Variants in INSRR observed in about 807,000 individuals in gnomAD.
The protein encoded by INSRR is insulin receptor related receptor.
Under a neutral mutation model 130.0 loss-of-function variants are expected in INSRR, and 114 were observed. That is an observed-to-expected ratio of 0.88 (90% CI 0.75 to 1.02). The LOEUF (loss-of-function observed/expected upper bound fraction) is 1.02. Ranked by LOEUF, INSRR falls within the 50% of genes least tolerant of loss-of-function variation. The probability of loss-of-function intolerance (pLI) is 0.00; values close to 1 mark genes in which losing one functional copy is unlikely to be tolerated. For missense variants in INSRR, 1,657 were observed against 1,735.2 expected, an observed-to-expected ratio of 0.95 and a Z score of 0.80; for synonymous variants, 674 against 705.2, an observed-to-expected ratio of 0.96 and a Z score of 0.70.
chr1:156,844,460 AC>A lies in INSRR; in HGVS notation c.2737+1del. 1 of 1,613,056 alleles carries A rather than the reference AC, an allele frequency of 6.2e-7. No individual in the cohort carries two copies. Among genetic ancestry groups the A allele is most frequent in the Non-Finnish European group, 8.5e-7 (1 of 1,179,490 alleles). On this transcript the variant is annotated splice_donor_variant, in intron 14 of 21. Transcript: ENST00000368195. LOFTEE classifies it high-confidence loss of function. The stretch of plus-strand genomic sequence containing the variant: ...CAGGTCTGTGACAGAGGCTGTGTAT[AC>A]CTGGGCCAAGGATGTAGAAGGCAAC...
At chr1:156,849,513 G>GGGGGGCTGGGGGGGGT in intron 5 of INSRR, 53 bp from the exon 6 acceptor site, 1 of 486,120 alleles carries the variant, frequency 2.1e-6, no homozygotes, top group Non-Finnish European at 4.1e-6. Context: ...CAGGGGGTGG[G>GGGGGGCTGGGGGGGGT]AAAGGGGATG....
rs1362939652 is a variant in INSRR at position 156,853,875 on chromosome 1, G to C, written c.514C>G (p.Leu172Val). The C allele has an allele frequency of 6.2e-7, 1 of 1,614,120 alleles. No homozygotes were observed. Among genetic ancestry groups the C allele is most frequent in the Non-Finnish European group, 8.5e-7 (1 of 1,180,032 alleles). Residue 172 changes from leucine to valine, a missense_variant, in exon 2 of 22, where the codon CTG becomes GTG. Coordinates refer to ENST00000368195, the MANE Select transcript of INSRR (RefSeq NM_014215.3). ...PGANHIVGNK[L>V]GEECADVCPG... ...CACACGTCAGCACACTCCTCGCCCA[G>C]CTTGTTGCCCACGATGTGGTTGGCG...
At chr1:156,849,095 G>C (rs1352775375) in intron 6 of INSRR, 48 bp from the exon 7 acceptor site, 1 of 1,602,118 alleles carries the variant, frequency 6.2e-7, no homozygotes. Context: ...CCAGCTGCTT[G>C]AGCGCCCACC....
chr1:156,842,328 A>G, intron 18 of INSRR, 57 bp from the exon 19 acceptor site: 1 of 1,613,382 alleles, frequency 6.2e-7, no homozygotes, highest in Non-Finnish European at 8.5e-7. Flanking sequence ...TCTCCTGTCC[A>G]GAACTGGCCC....
rs539401103 is a variant in INSRR, at chr1:156,855,739, C to T, written c.86-1436G>A. On this transcript the variant is annotated intron_variant, in intron 1 of 21. Coordinates refer to ENST00000368195, the MANE Select transcript of INSRR (RefSeq NM_014215.3). The stretch of plus-strand genomic sequence containing the variant: ...ACTCAGGAGGTTGAGGTGGGAGGAT[C>T]GCTTGAGCCCAGAAGGTCAAGGCTG... 1.5e-4 allele frequency among the ~76,000 whole-genome samples: 23 copies of T among 152,208 alleles called. 1 individual carries two copies. The highest frequency in any genetic ancestry group is 1.0e-4 in the Non-Finnish European group (7 of 68,004).
rs1391437469 is a variant in INSRR, at chr1:156,844,213, G to C, written c.2805C>G (p.Ile935Met). The change falls in exon 15 of 22, where the codon ATC (isoleucine) becomes ATG (methionine). Residue 935 changes from isoleucine to methionine, a missense_variant. Ile to Met is a conservative substitution (Grantham distance 10). Coordinates refer to ENST00000368195, the MANE Select transcript of INSRR (RefSeq NM_014215.3). The stretch of plus-strand genomic sequence containing the variant: ...AGAAGAAACCAAGGGCAGCAAGAAC[G>C]ATGAGCAGCGTGAGCCCCACAGGGG... ...TATPVGLTLL[I>M]VLAALGFFYG... The C allele has an allele frequency of 3.1e-6, 5 of 1,613,838 alleles. No homozygotes were observed. Among genetic ancestry groups the C allele is most frequent in the Non-Finnish European group, 4.2e-6 (5 of 1,179,968 alleles).
In INSRR at chr1:156,841,675, A is replaced by G; in HGVS notation, c.3517T>C (p.Ser1173Pro). ...CCAGCTCGGCCCCACCAGACATCCG[A>G]GTGGGTGGTGAAGATCCCATCTTTG... ...SLKDGIFTTH[S>P]DVWSFGVVLW... The change falls in exon 20 of 22, where the codon TCG (serine) becomes CCG (proline). Residue 1173 changes from serine (S) to proline (P), a missense_variant. Physicochemically the swap from Ser to Pro is moderately conservative, Grantham distance 74. Transcript: ENST00000368195. 6.2e-7 allele frequency: 1 copy of G among 1,613,798 alleles called. No homozygotes were observed. The highest frequency in any genetic ancestry group is 8.5e-7 in the Non-Finnish European group (1 of 1,179,862).
At position 156,842,566 on chromosome 1, in the gene INSRR, A is replaced by G. The variant is rs956135084; in HGVS notation, c.3127-58T>C. 3.8e-6 allele frequency: 5 copies of G among 1,322,416 alleles called. No individual in the cohort carries two copies. In the Admixed American group the frequency reaches 8.6e-5, roughly 23 times the overall value. The allele number at this position is 1,322,416 out of a possible 1,614,324, so 81.9% of individuals were successfully genotyped here. A position where few individuals can be genotyped will look rare whatever the true frequency, so the allele number is the denominator to read the frequency against. ...AGTTCCCCTTGACCCATTTGGCCAA[A>G]ATTCTGATCTGCTATGACCACAGTC... On this transcript the variant is annotated intron_variant, in intron 17 of 21. Transcript: ENST00000368195.
intron 15 of INSRR, among the ~76,000 whole-genome samples, 189 bp downstream of exon 15, chr1:156,843,986 C>T (rs1316204698): frequency 6.6e-6 from 1 of 152,172 alleles, no homozygotes; most frequent in East Asian, 1.9e-4. Context: ...CCAGGAAAGT[C>T]CCAGGCTAAC....
At chr1:156,851,578 G>A (rs1263871738) in intron 4 of INSRR, 68 bp downstream of exon 4, 3 of 1,610,932 alleles carry the variant, frequency 1.9e-6, no homozygotes. Context: ...TTGGGTCATT[G>A]TAAGGGTTGT....
Position 156,842,471 on chromosome 1 carries a change from G to A in INSRR, c.3164C>T (p.Thr1055Ile). ...LLGVVSQGQPTLVIMELMTRG... is the reference protein window; with the variant it reads ...LLGVVSQGQPILVIMELMTRG... ...GGTCATTAACTCCATGATGACCAGAGTTGGCTGGCCCTGAGATACCACACC... is the reference window on the plus strand; with the variant it reads ...GGTCATTAACTCCATGATGACCAGAATTGGCTGGCCCTGAGATACCACACC... The change falls in exon 18 of 22, where the codon ACT becomes ATT. Residue 1055 changes from threonine to isoleucine, a missense_variant. Thr to Ile is a moderately conservative substitution (Grantham distance 89). Transcript: ENST00000368195. The A allele has an allele frequency of 1.9e-6, 3 of 1,614,122 alleles. No individual in the cohort carries two copies. Among genetic ancestry groups the A allele is most frequent in the Non-Finnish European group, 2.5e-6 (3 of 1,180,000 alleles).
intron 19 of INSRR, 59 bp downstream of exon 19, chr1:156,842,053 A>G (rs1654812039): frequency 6.2e-7 from 1 of 1,606,516 alleles, no homozygotes; most frequent in Admixed American, 1.7e-5. Context: ...CCTGATGCCT[A>G]GCTTAAGGGA....
intron 5 of INSRR, among the ~76,000 whole-genome samples, chr1:156,850,018 T>A (rs2102864637): frequency 6.6e-6 from 1 of 151,994 alleles, no homozygotes; most frequent in East Asian, 1.9e-4. Context: ...TCCTCCCACC[T>A]CAGTCTCTTG....
In INSRR at chr1:156,844,298, G is replaced by C. The variant is rs749373554; in HGVS notation, c.2738-18C>G. 6.2e-5 allele frequency: 99 copies of C among 1,594,062 alleles called. No individual in the cohort carries two copies. The highest frequency in any genetic ancestry group is 8.3e-5 in the Non-Finnish European group (97 of 1,162,978). ...CTCCTCCTCTGGCAGTCAGAGGGCA[G>C]CAGAGGGTAGAGTCAAAGATGTAGA... On this transcript the variant is annotated intron_variant, in intron 14 of 21. Transcript: ENST00000368195.
rs1036064055 is a variant in INSRR at position 156,854,089 on chromosome 1, G to A, written c.300C>T (p.Asn100=). 1.9e-6 allele frequency: 3 copies of A among 1,614,122 alleles called. No individual in the cohort carries two copies. The highest frequency in any genetic ancestry group is 1.7e-6 in the Non-Finnish European group (2 of 1,180,044). The part of the protein sequence containing the change: ...GLESLRDLFP[N]LAVIRGTRLF... ...GGCGCGTCCCGCGGATGACTGCTAGGTTGGGGAAGAGGTCGCGCAGGCTCT... is the reference window on the plus strand; with the variant it reads ...GGCGCGTCCCGCGGATGACTGCTAGATTGGGGAAGAGGTCGCGCAGGCTCT... The change falls in exon 2 of 22, where the codon AAC becomes AAT. Residue 100 remains asparagine, a synonymous_variant. Transcript: ENST00000368195. This position sits in a 1 kb window ranked among gnomAD's most constrained non-coding sequence, Gnocchi z 4.2.
chr1:156,840,833 T>C lies in INSRR; in HGVS notation c.*40A>G, dbSNP rs1338971709. The C allele has an allele frequency of 8.0e-6, 12 of 1,506,634 alleles. No individual in the cohort carries two copies. The highest frequency in any genetic ancestry group is 1.1e-5 in the Non-Finnish European group (12 of 1,089,636). The allele number at this position is 1,506,634 out of a possible 1,614,324, so 93.3% of individuals were successfully genotyped here. A position where few individuals can be genotyped will look rare whatever the true frequency, so the allele number is the denominator to read the frequency against. On this transcript the variant is annotated 3_prime_UTR_variant, in exon 22 of 22. Transcript: ENST00000368195. ...CAGCCACAGAGGTCGGGTCCCTTCC[T>C]GTCTCCCCATGGGAGGCCAGCCAGG...
At chr1:156,850,571 G>A (rs1180072870) in intron 5 of INSRR, among the ~76,000 whole-genome samples, 2 of 92,320 alleles carry the variant, frequency 2.2e-5, no homozygotes, top group African/African-American at 8.3e-5. Flanking sequence ...TTTTTGAGAT[G>A]GAGTCCCTCT....
At position 156,853,990 on chromosome 1, in the gene INSRR, G is replaced by T. The variant is rs750615737; in HGVS notation, c.399C>A (p.Ala133=). The T allele has an allele frequency of 2.5e-6, 4 of 1,613,422 alleles. No individual in the cohort carries two copies. Among genetic ancestry groups the T allele is most frequent in the African/African-American group, 1.3e-5 (1 of 74,948 alleles). The part of the protein sequence containing the change: ...LRDVALPALG[A]VLRGAVRVEK... ...CCACACGCACAGCCCCACGCAGCAC[G>T]GCCCCAAGTGCAGGCAGTGCCACGT... Residue 133 remains alanine (A), a synonymous_variant, in exon 2 of 22, where the codon GCC becomes GCA. Coordinates refer to ENST00000368195, the MANE Select transcript of INSRR (RefSeq NM_014215.3).
chr1:156,844,905 C>T lies in INSRR; in HGVS notation c.2438-62G>A, dbSNP rs1272526846. The T allele has an allele frequency of 5.0e-6, 8 of 1,601,828 alleles. No homozygotes were observed. The East Asian group carries it at 6.7e-5, about 13-fold the overall frequency. ...GGTTCATCTCACCTTATGTTCAAAC[C>T]CAAGCTAAACTGGGCTGAGCTGGGA... On this transcript the variant is annotated intron_variant, in intron 12 of 21. Transcript: ENST00000368195.
Sources: gnomAD v4.1 joint callset for allele counts (sites outside exome capture counted in the v4.1 genomes callset) on GRCh38, gnomAD v4.1.1 for gene constraint, Gnocchi (gnomAD v3.1) non-coding constraint, MANE v1.5 for transcripts, NCBI Gene and HGNC (gene_info 2026-07-23, HGNC 2026-07-21) for gene names.